Variants in FRAS1 observed in about 807,000 individuals in gnomAD.
FRAS1 encodes extracellular matrix organizing protein FRAS1.
Under a neutral mutation model 435.2 loss-of-function variants are expected in FRAS1, and 290 were observed. The ratio of observed to expected loss-of-function variants is 0.67; its 90% CI spans 0.61 to 0.73. The LOEUF is 0.73. Among genes scored for constraint, FRAS1 ranks in the 30% least tolerant of loss-of-function variants. The pLI is 0.00. For missense variants in FRAS1, 4,860 were observed against 5,001.5 expected (o/e 0.97, Z 0.85); for synonymous variants, 1,800 against 1,851.0 (o/e 0.97, Z 0.71).
chr4:78,327,348 A>C (rs769511739), intron 18 of FRAS1, among the ~76,000 whole-genome samples: 7 of 152,236 alleles, frequency 4.6e-5, no homozygotes, highest in Non-Finnish European at 7.3e-5. Flanking sequence ...TTTTGAGAGA[A>C]GCCCACTCAA....
At chr4:78,465,200 T>G (rs755329219) in intron 49 of FRAS1, among the ~76,000 whole-genome samples, 1 of 152,260 alleles carries the variant, frequency 6.6e-6, no homozygotes, top group Non-Finnish European at 1.5e-5. Flanking sequence ...GATTGATTGA[T>G]TCTTTCATCA....
chr4:78,441,869 C>T (rs1734673118), intron 41 of FRAS1, among the ~76,000 whole-genome samples: 1 of 152,234 alleles, frequency 6.6e-6, no homozygotes, highest in Admixed American at 6.5e-5. Flanking sequence ...CCCTCCCCTC[C>T]ACCATCTGCC....
chr4:78,179,658 T>C (rs1721916671), intron 2 of FRAS1, among the ~76,000 whole-genome samples: 1 of 152,206 alleles, frequency 6.6e-6, no homozygotes, highest in Non-Finnish European at 1.5e-5. Context: ...ATAATTTATC[T>C]AAGGGAATTG....
chr4:78,506,158 C>T (rs1210516027), intron 61 of FRAS1, among the ~76,000 whole-genome samples: 2 of 152,200 alleles, frequency 1.3e-5, no homozygotes, highest in South Asian at 2.1e-4. Flanking sequence ...ATGTGGTGTC[C>T]GTCAGCTGCC....
chr4:78,215,758 T>G (rs1475539492), intron 2 of FRAS1, among the ~76,000 whole-genome samples: 1 of 152,234 alleles, frequency 6.6e-6, no homozygotes, highest in Non-Finnish European at 1.5e-5. Flanking sequence ...TCCTCAAGGT[T>G]CATCCAATTT....
intron 2 of FRAS1, among the ~76,000 whole-genome samples, chr4:78,076,408 C>G (rs1024543640): frequency 2.0e-5 from 3 of 152,120 alleles, no homozygotes; most frequent in African/African-American, 7.2e-5. Context: ...CTGGTGAGCA[C>G]TTCTCACAAT....
Position 78,387,467 on chromosome 4 carries a change from C to G in FRAS1, c.3741C>G (p.Asp1247Glu). 6.2e-7 allele frequency: 1 copy of G among 1,613,768 alleles called. No individual in the cohort carries two copies. Among genetic ancestry groups the G allele is most frequent in the Non-Finnish European group, 8.5e-7 (1 of 1,179,792 alleles). ...AGATGCTTGACATCCGAGATGATGA[C>G]AACCCACAGGATGTGGTCATTGAAA... ...TTQMLDIRDD[D>E]NPQDVVIEII... The change falls in exon 29 of 74, where the codon GAC (aspartate) becomes GAG (glutamate). Residue 1247 changes from aspartate (D) to glutamate (E), a missense_variant. Physicochemically the swap from Asp to Glu is conservative, Grantham distance 45. Coordinates refer to ENST00000512123, the MANE Select transcript of FRAS1 (RefSeq NM_025074.7).
Position 78,514,371 on chromosome 4 carries a change from G to A in FRAS1, c.10174+819G>A, listed in dbSNP as rs560710522. ...ATTCTGTCCATTTCCATTTACCTTAGCAAGTGCACATTAAATGCATATTTC... is the reference window on the plus strand; with the variant it reads ...ATTCTGTCCATTTCCATTTACCTTAACAAGTGCACATTAAATGCATATTTC... On this transcript the variant is annotated intron_variant, in intron 65 of 73. Transcript: ENST00000512123. 1.3e-4 allele frequency among the ~76,000 whole-genome samples: 20 copies of A among 152,336 alleles called. No individual in the cohort carries two copies. In the South Asian group the frequency reaches 2.7e-3, roughly 20 times the overall value.
intron 58 of FRAS1, among the ~76,000 whole-genome samples, chr4:78,484,802 C>G (rs1451375773): frequency 6.6e-6 from 1 of 152,140 alleles, no homozygotes; most frequent in Non-Finnish European, 1.5e-5. Context: ...AAATAGGTCA[C>G]CCAATGTCTA....
chr4:78,430,275 C>T lies in FRAS1; in HGVS notation c.4844-17C>T, dbSNP rs779484990. ...ATACGCTTTCTCTCTCACCACGCTT[C>T]CTTCTCCTTGCTGCAGGACTTCAGG... is the stretch of plus-strand genomic sequence containing the variant. On this transcript the variant is annotated splice_polypyrimidine_tract_variant and intron_variant, in intron 36 of 73. Transcript: ENST00000512123. The T allele has an allele frequency of 5.6e-6, 9 of 1,613,800 alleles. No homozygotes were observed. The highest frequency in any genetic ancestry group is 1.6e-4 in the Middle Eastern group (1 of 6,062).
rs1259755289 is a variant in FRAS1, at chr4:78,167,971, T to G, written c.109-69539T>G. On this transcript the variant is annotated intron_variant, in intron 2 of 73. Transcript: ENST00000512123. Reference sequence around the variant, plus strand: ...CCTTCTTATATAATTTTATGTTCTATATGTATCAAGATTCATTGAAGCAAT... The same window carrying G: ...CCTTCTTATATAATTTTATGTTCTAGATGTATCAAGATTCATTGAAGCAAT... Among the ~76,000 whole-genome samples, 3 of 152,082 alleles carry G rather than the reference T, an allele frequency of 2.0e-5. 1 individual carries two copies. Among genetic ancestry groups the G allele is most frequent in the Non-Finnish European group, 1.5e-5 (1 of 68,014 alleles).
Position 78,295,845 on chromosome 4 carries a change from G to A in FRAS1, c.1534+9306G>A, listed in dbSNP as rs113177659. On this transcript the variant is annotated intron_variant, in intron 14 of 73. Transcript: ENST00000512123. Reference sequence around the variant, plus strand: ...CTGTAACCTCCGCCTGCCCAGGTTCGAACGATTCTCCTGCCTCAGCCTTCT... The same window carrying A: ...CTGTAACCTCCGCCTGCCCAGGTTCAAACGATTCTCCTGCCTCAGCCTTCT... 1.0e-2 allele frequency among the ~76,000 whole-genome samples: 1,510 copies of A among 151,462 alleles called. 24 individuals carry two copies. The highest frequency in any genetic ancestry group is 0.034 in the African/African-American group (1,410 of 41,256).
intron 2 of FRAS1, among the ~76,000 whole-genome samples, chr4:78,115,437 C>G (rs59939614): frequency 0.064 from 9,718 of 152,094 alleles, 845 homozygotes; most frequent in African/African-American, 0.2. Flanking sequence ...TGGTAGAATT[C>G]GGCTGTGAAT....
At chr4:78,455,694 C>T (rs192871907) in intron 47 of FRAS1, among the ~76,000 whole-genome samples, 107 of 152,238 alleles carry the variant, frequency 7.0e-4, no homozygotes, top group Non-Finnish European at 1.2e-3. Context: ...AGCCATCTGC[C>T]TATGCGAACT....
intron 2 of FRAS1, among the ~76,000 whole-genome samples, chr4:78,126,793 A>G (rs188241606): frequency 1.1e-4 from 17 of 152,340 alleles, no homozygotes; most frequent in Admixed American, 9.8e-4. Context: ...AGAAAGTGTT[A>G]TTGATATAGA....
chr4:78,173,529 C>G (rs534154800), intron 2 of FRAS1, among the ~76,000 whole-genome samples: 11 of 152,342 alleles, frequency 7.2e-5, no homozygotes, highest in African/African-American at 2.6e-4. Context: ...GAAGCTCCCC[C>G]ATTCCCAGTC....
intron 14 of FRAS1, among the ~76,000 whole-genome samples, chr4:78,306,956 TC>T (rs1328070341): frequency 6.6e-6 from 1 of 152,222 alleles, no homozygotes; most frequent in East Asian, 1.9e-4. Context: ...TTTTAGAGTT[TC>T]CAGTTTTTCT....
At chr4:78,102,314 C>T (rs747524791) in intron 2 of FRAS1, among the ~76,000 whole-genome samples, 22 of 152,180 alleles carry the variant, frequency 1.4e-4, no homozygotes, top group Non-Finnish European at 3.1e-4. Flanking sequence ...TCCTTGAAAA[C>T]TCAATTAGTG....
chr4:78,503,445 G>A (rs895345835), intron 61 of FRAS1, among the ~76,000 whole-genome samples: 1 of 152,038 alleles, frequency 6.6e-6, no homozygotes, highest in Non-Finnish European at 1.5e-5. Context: ...GTCTTGGGAG[G>A]GTGTATGTGT....
Sources: gnomAD v4.1 joint callset for allele counts (sites outside exome capture counted in the v4.1 genomes callset) on GRCh38, gnomAD v4.1.1 for gene constraint, MANE v1.5 for transcripts, NCBI Gene and HGNC (gene_info 2026-07-23, HGNC 2026-07-21) for gene names.